MMP16: variants seen among roughly 807,000 people sequenced by gnomAD.
MMP16 encodes matrix metallopeptidase 16, also known as matrix metalloproteinase-16.
A neutral mutation model predicts 67.8 loss-of-function variants in MMP16; 12 were observed. The ratio of observed to expected loss-of-function variants is 0.18; its 90% CI spans 0.11 to 0.29. The LOEUF is 0.29. Among genes scored for constraint, MMP16 ranks in the 10% least tolerant of loss-of-function variants. The pLI is 1.00. For synonymous variants in MMP16, 249 were observed against 255.9 expected (o/e 0.97, Z 0.26); for missense variants, 475 against 765.7 (o/e 0.62, Z 4.48).
Position 88,186,550 on chromosome 8 carries a change from G to A in MMP16, c.330C>T (p.Ser110=). The change falls in exon 3 of 10, where the codon AGC becomes AGT. Residue 110 remains serine, a synonymous_variant. Transcript: ENST00000286614. The stretch of plus-strand genomic sequence containing the variant: ...GCTTTCGACGAATATGAAATTTGGA[G>A]CTACCTCTTGTCTGGTCAGGTACAC... ...RCGVPDQTRG[S]SKFHIRRKRY... The A allele has an allele frequency of 6.2e-7, 1 of 1,602,262 alleles. No homozygotes were observed. The highest frequency in any genetic ancestry group is 8.5e-7 in the Non-Finnish European group (1 of 1,177,266).
At chr8:88,309,028 C>A (rs77340578) in intron 1 of MMP16, among the ~76,000 whole-genome samples, 33 of 152,042 alleles carry the variant, frequency 2.2e-4, no homozygotes, top group African/African-American at 7.5e-4. Flanking sequence ...CTTAAAAGCA[C>A]TGGCAAGTGT....
intron 4 of MMP16, among the ~76,000 whole-genome samples, chr8:88,133,279 T>G (rs1808063742): frequency 6.6e-6 from 1 of 151,746 alleles, no homozygotes; most frequent in Admixed American, 6.6e-5. Context: ...ACATGACACT[T>G]AGATAAAGAA....
chr8:88,262,392 T>G (rs750616043), intron 1 of MMP16, among the ~76,000 whole-genome samples: 2 of 152,202 alleles, frequency 1.3e-5, no homozygotes. Context: ...CTACCAAGAA[T>G]ACATTTTATA....
chr8:88,141,919 GT>G (rs200516354), intron 4 of MMP16, among the ~76,000 whole-genome samples: 127 of 145,156 alleles, frequency 8.7e-4, no homozygotes, highest in African/African-American at 1.6e-3. Context: ...ACATAAATAT[GT>G]TTTTTTTTTT....
chr8:88,099,552 C>G (rs1187258476), intron 6 of MMP16, among the ~76,000 whole-genome samples: 1 of 151,722 alleles, frequency 6.6e-6, no homozygotes, highest in South Asian at 2.1e-4. Flanking sequence ...GGTAGCACAA[C>G]TATTATTATT....
intron 6 of MMP16, among the ~76,000 whole-genome samples, chr8:88,104,132 AT>A (rs2118388441): frequency 6.6e-6 from 1 of 151,832 alleles, no homozygotes; most frequent in East Asian, 1.9e-4. Flanking sequence ...ATATCACTGT[AT>A]TTTGAGCTAC....
intron 6 of MMP16, among the ~76,000 whole-genome samples, chr8:88,099,163 T>A (rs1318421991): frequency 6.6e-6 from 1 of 151,680 alleles, no homozygotes. Flanking sequence ...TATAAGAATT[T>A]TTTTATATTA....
chr8:88,193,167 A>G, intron 2 of MMP16, among the ~76,000 whole-genome samples: 1 of 152,214 alleles, frequency 6.6e-6, no homozygotes, highest in East Asian at 1.9e-4. Flanking sequence ...ATGTCTGTCA[A>G]TGTGTGAATG....
At chr8:88,243,050 T>C (rs575726595) in intron 1 of MMP16, among the ~76,000 whole-genome samples, 18 of 152,162 alleles carry the variant, frequency 1.2e-4, no homozygotes, top group Non-Finnish European at 2.1e-4. Context: ...AGTTAAAATA[T>C]ACTTGCAAGA....
intron 3 of MMP16, among the ~76,000 whole-genome samples, chr8:88,177,535 G>A (rs1487018191): frequency 6.6e-6 from 1 of 152,100 alleles, no homozygotes; most frequent in African/African-American, 2.4e-5. Flanking sequence ...TTACCCCCAG[G>A]ACCCTCATCA....
At chr8:88,142,864 CAG>C (rs1808234689) in intron 4 of MMP16, among the ~76,000 whole-genome samples, 1 of 152,016 alleles carries the variant, frequency 6.6e-6, no homozygotes, top group South Asian at 2.1e-4. Flanking sequence ...ATGTTAAATA[CAG>C]AAGAATTAAT....
intron 1 of MMP16, among the ~76,000 whole-genome samples, chr8:88,276,320 G>A (rs1007355972): frequency 6.6e-6 from 1 of 152,108 alleles, no homozygotes; most frequent in Non-Finnish European, 1.5e-5. Flanking sequence ...GCATGTGCAC[G>A]TGTTTTAATA....
At chr8:88,122,987 C>G (rs1183776140) in intron 4 of MMP16, among the ~76,000 whole-genome samples, 1 of 151,564 alleles carries the variant, frequency 6.6e-6, no homozygotes, top group Non-Finnish European at 1.5e-5. Context: ...TGAGTGCAGC[C>G]CCGGCCAACA....
chr8:88,088,617 C>T (rs1483065231), intron 6 of MMP16, among the ~76,000 whole-genome samples: 1 of 152,070 alleles, frequency 6.6e-6, no homozygotes, highest in Non-Finnish European at 1.5e-5. Flanking sequence ...GACTAATCCT[C>T]ATTACCATTA....
At chr8:88,196,945 T>C (rs1055509061) in intron 2 of MMP16, among the ~76,000 whole-genome samples, 3 of 152,168 alleles carry the variant, frequency 2.0e-5, no homozygotes, top group Admixed American at 6.5e-5. Context: ...TTTGAAACTA[T>C]GTTGCTAAAA....
chr8:88,310,483 A>G (rs1213036128), intron 1 of MMP16, among the ~76,000 whole-genome samples: 1 of 152,144 alleles, frequency 6.6e-6, no homozygotes, highest in Non-Finnish European at 1.5e-5. Flanking sequence ...AAAAAGGACA[A>G]CTATTGAAAT....
At chr8:88,199,237 T>C (rs1295572852) in intron 1 of MMP16, among the ~76,000 whole-genome samples, 1 of 152,060 alleles carries the variant, frequency 6.6e-6, no homozygotes, top group African/African-American at 2.4e-5. Flanking sequence ...AGAGGAACTA[T>C]AAAATATGTA....
chr8:88,277,496 AC>A (rs1810666128), intron 1 of MMP16, among the ~76,000 whole-genome samples: 2 of 152,188 alleles, frequency 1.3e-5, no homozygotes, highest in African/African-American at 4.8e-5. Context: ...TGGAAACAAA[AC>A]GTGTATCATC....
chr8:88,326,077 AT>A (rs1235555295), intron 1 of MMP16, among the ~76,000 whole-genome samples: 1 of 152,210 alleles, frequency 6.6e-6, no homozygotes, highest in Non-Finnish European at 1.5e-5. Flanking sequence ...TTAAAAAATT[AT>A]TCATAATTCG....
Sources: gnomAD v4.1 joint callset for allele counts (sites outside exome capture counted in the v4.1 genomes callset) on GRCh38, gnomAD v4.1.1 for gene constraint, MANE v1.5 for transcripts, NCBI Gene and HGNC (gene_info 2026-07-23, HGNC 2026-07-21) for gene names.